The following DRC11 variants were observed in gnomAD, a reference collection of about 807,000 sequenced individuals.
DRC11 encodes the protein dynein regulatory complex subunit 11.
the DRC11 span, among the ~76,000 whole-genome samples, chr2:236,338,044 C>T: frequency 6.6e-6 from 1 of 152,350 alleles, no homozygotes; most frequent in African/African-American, 2.4e-5. Context: ...ATATCTGCAG[C>T]ACATGCTCTG....
chr2:236,333,724 A>G, the DRC11 span, among the ~76,000 whole-genome samples: 1 of 152,214 alleles, frequency 6.6e-6, no homozygotes, highest in Non-Finnish European at 1.5e-5. This position sits in a 1 kb window ranked among gnomAD's most constrained non-coding sequence, Gnocchi z 6.0. Context: ...CTTCTCTGTG[A>G]AGCCACAACA....
chr2:236,455,353 T>TC, the DRC11 span, among the ~76,000 whole-genome samples: 1 of 152,210 alleles, frequency 6.6e-6, no homozygotes, highest in African/African-American at 2.4e-5. The surrounding 1 kb of genome is among the most constrained non-coding windows in gnomAD (Gnocchi z 5.7). Flanking sequence ...CATGACAGCT[T>TC]CCTGGGGCAG....
chr2:236,465,477 G>A, the DRC11 span: 1 of 1,583,090 alleles, frequency 6.3e-7, no homozygotes, highest in South Asian at 1.1e-5. This position sits in a 1 kb window ranked among gnomAD's most constrained non-coding sequence, Gnocchi z 6.2. Context: ...GAACAGACTG[G>A]ATATGTCACG....
At chr2:236,477,178 C>T in the DRC11 span, among the ~76,000 whole-genome samples, 3 of 152,146 alleles carry the variant, frequency 2.0e-5, no homozygotes, top group Admixed American at 2.0e-4. Flanking sequence ...GTGACACACA[C>T]AGTAAAAAAA....
chr2:236,462,054 G>T, the DRC11 span, among the ~76,000 whole-genome samples: 1 of 152,170 alleles, frequency 6.6e-6, no homozygotes, highest in Non-Finnish European at 1.5e-5. This position sits in a 1 kb window ranked among gnomAD's most constrained non-coding sequence, Gnocchi z 6.4. Context: ...TCAAAGAGCG[G>T]GGTGAATGTT....
the DRC11 span, among the ~76,000 whole-genome samples, chr2:236,410,166 A>C: frequency 6.6e-6 from 1 of 151,628 alleles, no homozygotes; most frequent in East Asian, 1.9e-4. Flanking sequence ...ATTGATTGGA[A>C]TAGTTTCAGA....
At chr2:236,474,117 T>A in the DRC11 span, among the ~76,000 whole-genome samples, 2 of 152,170 alleles carry the variant, frequency 1.3e-5, no homozygotes, top group Non-Finnish European at 2.9e-5. Flanking sequence ...TTCCAGCCAG[T>A]GAACAGAAGA....
the DRC11 span, among the ~76,000 whole-genome samples, chr2:236,361,454 A>G: frequency 6.6e-6 from 1 of 152,002 alleles, no homozygotes; most frequent in African/African-American, 2.4e-5. The surrounding 1 kb of genome is among the most constrained non-coding windows in gnomAD (Gnocchi z 5.7). Context: ...AAGACAAATG[A>G]CCATGAAATG....
chr2:236,459,652 T>TATATAC, the DRC11 span, among the ~76,000 whole-genome samples: 1 of 103,816 alleles, frequency 9.6e-6, no homozygotes, highest in Admixed American at 9.5e-5. Context: ...TACGTATATA[T>TATATAC]GTATATACAT....
chr2:236,365,818 A>G, the DRC11 span, among the ~76,000 whole-genome samples: 1 of 152,138 alleles, frequency 6.6e-6, no homozygotes, highest in Non-Finnish European at 1.5e-5. This position sits in a 1 kb window ranked among gnomAD's most constrained non-coding sequence, Gnocchi z 7.4. Context: ...AGCTGACAGG[A>G]CACACATGTG....
the DRC11 span, among the ~76,000 whole-genome samples, chr2:236,398,027 A>C: frequency 1.3e-5 from 2 of 152,218 alleles, no homozygotes; most frequent in Non-Finnish European, 2.9e-5. The surrounding 1 kb of genome is among the most constrained non-coding windows in gnomAD (Gnocchi z 6.2). Flanking sequence ...ATGGATTCTT[A>C]AGCTTGGATG....
At chr2:236,320,523 C>A in the DRC11 span, among the ~76,000 whole-genome samples, 1 of 152,272 alleles carries the variant, frequency 6.6e-6, no homozygotes, top group Non-Finnish European at 1.5e-5. Flanking sequence ...TGTCTCTGAA[C>A]GCAGGTGTTT....
At chr2:236,463,300 C>T in the DRC11 span, among the ~76,000 whole-genome samples, 1 of 152,162 alleles carries the variant, frequency 6.6e-6, no homozygotes, top group Non-Finnish European at 1.5e-5. This position sits in a 1 kb window ranked among gnomAD's most constrained non-coding sequence, Gnocchi z 5.0. Flanking sequence ...GGTATGTGCA[C>T]ATCAATACTG....
At chr2:236,503,740 G>C in the DRC11 span, 3 of 1,519,936 alleles carry the variant, frequency 2.0e-6, no homozygotes, top group South Asian at 2.4e-5. This position sits in a 1 kb window ranked among gnomAD's most constrained non-coding sequence, Gnocchi z 4.9. Context: ...CTCTCCACGT[G>C]ACCACACCCC....
chr2:236,357,950 T>A, the DRC11 span, among the ~76,000 whole-genome samples: 1 of 94,940 alleles, frequency 1.1e-5, no homozygotes, highest in Non-Finnish European at 2.0e-5. Context: ...ATATAATATA[T>A]AAATATATAT....
chr2:236,379,323 A>AAGGGTG, the DRC11 span, among the ~76,000 whole-genome samples: 1 of 85,370 alleles, frequency 1.2e-5, no homozygotes, highest in Non-Finnish European at 2.7e-5. Flanking sequence ...CGACAGGACC[A>AAGGGTG]AGGGGAGGGA....
chr2:236,358,158 ATATGAATATATAATATATATACTC>A, the DRC11 span, among the ~76,000 whole-genome samples: 7 of 123,544 alleles, frequency 5.7e-5, no homozygotes, highest in South Asian at 9.5e-4. Flanking sequence ...GATATATACT[ATATGAATATATAATATATATACTC>A]TATGAATATA....
At chr2:236,348,462 C>T in the DRC11 span, among the ~76,000 whole-genome samples, 3 of 152,180 alleles carry the variant, frequency 2.0e-5, no homozygotes, top group Non-Finnish European at 4.4e-5. The surrounding 1 kb of genome is among the most constrained non-coding windows in gnomAD (Gnocchi z 7.4). Context: ...CAGTCAGGGG[C>T]GACAGCACCA....
chr2:236,368,528 A>T, the DRC11 span: 1 of 493,586 alleles, frequency 2.0e-6, no homozygotes, highest in Non-Finnish European at 3.6e-6. Flanking sequence ...GTAAACTGGG[A>T]ATGATGTTGA....
Sources: allele counts gnomAD v4.1 joint callset (sites outside exome capture counted in the v4.1 genomes callset), GRCh38; gene constraint gnomAD v4.1.1; non-coding constraint Gnocchi (gnomAD v3.1); transcripts MANE v1.5; gene names NCBI Gene and HGNC (gene_info 2026-07-23, HGNC 2026-07-21).